KIRREL1: variants seen among roughly 807,000 people sequenced by gnomAD.
KIRREL1 encodes kirre like nephrin family adhesion molecule 1.
KIRREL1 carries 25 observed loss-of-function variants against 83.3 expected under a neutral mutation model. That is an observed-to-expected ratio of 0.30 (90% CI 0.22 to 0.42). The LOEUF is 0.42. Ranked by LOEUF, KIRREL1 falls within the 10% of genes least tolerant of loss-of-function variation. The pLI is 1.00. For synonymous variants in KIRREL1, 388 were observed against 410.4 expected, an observed-to-expected ratio of 0.95 and a Z score of 0.66; for missense variants, 812 against 1,032.3, an observed-to-expected ratio of 0.79 and a Z score of 2.92.
intron 3 of KIRREL1, 38 bp downstream of exon 3, chr1:158,078,178 GTC>G (rs1263926946): frequency 3.1e-6 from 5 of 1,600,498 alleles, no homozygotes; most frequent in African/African-American, 1.3e-5. Flanking sequence ...TCGAGGCCCT[GTC>G]TCTCTGTATC....
chr1:158,018,515 T>C (rs1467134434), intron 1 of KIRREL1, among the ~76,000 whole-genome samples: 1 of 152,070 alleles, frequency 6.6e-6, no homozygotes, highest in Non-Finnish European at 1.5e-5. Context: ...GTGTGGCCTG[T>C]AGGGAAGCAA....
At chr1:158,046,214 C>T (rs1660772895) in intron 1 of KIRREL1, among the ~76,000 whole-genome samples, 1 of 152,152 alleles carries the variant, frequency 6.6e-6, no homozygotes, top group Non-Finnish European at 1.5e-5. Flanking sequence ...AAAAGTGGTC[C>T]ATTTCTGGGA....
intron 1 of KIRREL1, among the ~76,000 whole-genome samples, chr1:158,014,484 G>A (rs1659770430): frequency 6.6e-6 from 1 of 152,028 alleles, no homozygotes; most frequent in Non-Finnish European, 1.5e-5. Context: ...TTCCCGTCTT[G>A]CCTTCTTCTC....
rs770468097 is a variant in KIRREL1 at position 158,094,670 on chromosome 1, G to A, written c.1824G>A (p.Val608=). The change falls in exon 15 of 15, where the codon GTG becomes GTA. Residue 608 remains valine, a synonymous_variant. Transcript: ENST00000359209. The surrounding 1 kb of genome is among the most constrained non-coding windows in gnomAD (Gnocchi z 4.6). ...MKDPTNGYYN[V]RAHEDRPSSR... ...ACCCCACCAATGGCTACTACAACGT[G>A]CGTGCCCATGAAGACCGCCCGTCTT... 2.5e-6 allele frequency: 4 copies of A among 1,606,744 alleles called. No homozygotes were observed. In the South Asian group the frequency reaches 4.4e-5, roughly 18 times the overall value.
chr1:158,017,125 G>A (rs752667938), intron 1 of KIRREL1, among the ~76,000 whole-genome samples: 10 of 152,142 alleles, frequency 6.6e-5, no homozygotes, highest in Admixed American at 1.3e-4. Flanking sequence ...CCTTTCCTGC[G>A]GAGGGCAGGT....
In KIRREL1 at chr1:158,087,779, T is replaced by C; in HGVS notation, c.686T>C (p.Ile229Thr). 6.2e-7 allele frequency: 1 copy of C among 1,614,000 alleles called. No individual in the cohort carries two copies. Among genetic ancestry groups the C allele is most frequent in the Non-Finnish European group, 8.5e-7 (1 of 1,179,922 alleles). The change falls in exon 6 of 15, where the codon ATT (isoleucine) becomes ACT (threonine). Residue 229 changes from isoleucine (I) to threonine (T), a missense_variant. Transcript: ENST00000359209. ...GACCCTCCTACAGTGACCCTGTCCA[T>C]TGAGCCACAGACGGTGCAGGAGGGT... ...VHHPPTVTLSIEPQTVQEGER... is the reference protein window; with the variant it reads ...VHHPPTVTLSTEPQTVQEGER...
At chr1:158,027,404 T>C (rs1437665679) in intron 1 of KIRREL1, among the ~76,000 whole-genome samples, 3 of 152,166 alleles carry the variant, frequency 2.0e-5, no homozygotes, top group Non-Finnish European at 4.4e-5. Flanking sequence ...GAAGGCTTCA[T>C]TACATAGGCA....
At position 158,097,055 on chromosome 1, in the gene KIRREL1, G is replaced by C. The variant is rs1418809545; in HGVS notation, c.*1935G>C. ...CTAATTTTAACTTCACAGGAAGTCT[G>C]TGCATCCTCCTTCATTTCAGCAGGG... On this transcript the variant is annotated 3_prime_UTR_variant, in exon 15 of 15. Transcript: ENST00000359209. 2.2e-6 allele frequency: 1 copy of C among 456,812 alleles called. No individual in the cohort carries two copies. The allele number at this position is 456,812 out of a possible 1,614,324, so 28.3% of individuals were successfully genotyped here.
At chr1:158,025,919 A>G (rs1207717596) in intron 1 of KIRREL1, among the ~76,000 whole-genome samples, 3 of 151,530 alleles carry the variant, frequency 2.0e-5, no homozygotes, top group Non-Finnish European at 4.4e-5. Flanking sequence ...GGGCTGGGGG[A>G]GGTGGCGTGA....
chr1:158,076,030 C>T (rs939728988), intron 1 of KIRREL1, 83 bp from the exon 2 acceptor site: 36 of 1,349,444 alleles, frequency 2.7e-5, no homozygotes, highest in Non-Finnish European at 3.5e-5. Flanking sequence ...GCTCTCCCTC[C>T]TTCCAGCTGC....
intron 1 of KIRREL1, among the ~76,000 whole-genome samples, chr1:158,016,647 A>G (rs1465351043): frequency 1.3e-5 from 2 of 152,194 alleles, no homozygotes; most frequent in Non-Finnish European, 2.9e-5. Flanking sequence ...TGAGTTTCTA[A>G]TTCCCTGCTC....
intron 1 of KIRREL1, among the ~76,000 whole-genome samples, chr1:158,048,513 A>G (rs1269792131): frequency 6.6e-6 from 1 of 152,240 alleles, no homozygotes; most frequent in African/African-American, 2.4e-5. Context: ...GGGGGAAGAA[A>G]TAGATCTAGT....
chr1:158,062,658 C>T (rs1661245955), intron 1 of KIRREL1, among the ~76,000 whole-genome samples: 1 of 152,268 alleles, frequency 6.6e-6, no homozygotes, highest in South Asian at 2.1e-4. Context: ...GTAACACACT[C>T]ACGCTTACCT....
At position 158,089,496 on chromosome 1, in the gene KIRREL1, G is replaced by A; in HGVS notation, c.1045-6G>A. The A allele has an allele frequency of 6.2e-7, 1 of 1,614,100 alleles. No individual in the cohort carries two copies. The highest frequency in any genetic ancestry group is 1.7e-5 in the Admixed American group (1 of 60,008). On this transcript the variant is annotated splice_polypyrimidine_tract_variant and splice_region_variant and intron_variant, in intron 8 of 14. Coordinates refer to ENST00000359209, the MANE Select transcript of KIRREL1 (RefSeq NM_018240.7). Reference sequence around the variant, plus strand: ...CTCCCCACCCGAGGCTGCTCTCTCTGCCCAGGTCCTGAGTAACAGCAACCA... The same window carrying A: ...CTCCCCACCCGAGGCTGCTCTCTCTACCCAGGTCCTGAGTAACAGCAACCA...
At chr1:158,018,498 GA>G (rs1306509958) in intron 1 of KIRREL1, among the ~76,000 whole-genome samples, 8 of 152,312 alleles carry the variant, frequency 5.3e-5, no homozygotes, top group South Asian at 2.1e-4. Flanking sequence ...GCCAACCTGG[GA>G]ATGCAGTGTG....
At chr1:158,078,281 T>G in intron 3 of KIRREL1, 141 bp downstream of exon 3, 1 of 983,136 alleles carries the variant, frequency 1.0e-6, no homozygotes, top group Non-Finnish European at 1.5e-6. Context: ...AATGCTCAAG[T>G]CCAGGTAGAA....
chr1:157,998,830 G>A (rs1244043405), intron 1 of KIRREL1, among the ~76,000 whole-genome samples: 3 of 152,224 alleles, frequency 2.0e-5, no homozygotes, highest in Non-Finnish European at 4.4e-5. Context: ...GTGATTGTAG[G>A]AGGTGAACTC....
In KIRREL1 at chr1:158,001,536, T is replaced by A. The variant is rs537047408; in HGVS notation, c.52+7808T>A. Among the ~76,000 whole-genome samples, 39 of 152,216 alleles carry A rather than the reference T, an allele frequency of 2.6e-4. 1 individual carries two copies. Among genetic ancestry groups the A allele is most frequent in the African/African-American group, 7.2e-4 (30 of 41,528 alleles). On this transcript the variant is annotated intron_variant, in intron 1 of 14. Coordinates refer to ENST00000359209, the MANE Select transcript of KIRREL1 (RefSeq NM_018240.7). ...GCAAGGTGTGGAGTCATTGGTGCCG[T>A]GATAGCAGTGTGCAGGTCAGAGCTA...
In KIRREL1 at chr1:158,063,221, G is replaced by A. The variant is rs955292190; in HGVS notation, c.53-12892G>A. On this transcript the variant is annotated intron_variant, in intron 1 of 14. Transcript: ENST00000359209. ...TCCAACTTACGAGGCTATAGTAAGG[G>A]CCCAGAGCTATAAAAGGCTAACATG... Among the ~76,000 whole-genome samples the A allele has an allele frequency of 5.3e-5, 8 of 152,350 alleles. No individual in the cohort carries two copies. In the East Asian group the frequency reaches 1.5e-3, roughly 29 times the overall value.
Sources: gnomAD v4.1 joint callset for allele counts (sites outside exome capture counted in the v4.1 genomes callset) on GRCh38, gnomAD v4.1.1 for gene constraint, Gnocchi (gnomAD v3.1) non-coding constraint, MANE v1.5 for transcripts, NCBI Gene and HGNC (gene_info 2026-07-23, HGNC 2026-07-21) for gene names.